ARSG: variants seen among roughly 807,000 people sequenced by gnomAD.
ARSG encodes the protein arylsulfatase G.
In ARSG, 37 loss-of-function variants were observed where a neutral mutation model predicts 50.5. The observed-to-expected ratio is 0.73, with a 90% CI of 0.56 to 0.96. The LOEUF is 0.96. Ranked by LOEUF, ARSG falls within the 50% of genes least tolerant of loss-of-function variation. ARSG has a pLI of 0.00. For missense variants in ARSG, 629 were observed against 675.3 expected (o/e 0.93, Z 0.76); for synonymous variants, 225 against 254.6 (o/e 0.88, Z 1.11).
intron 6 of ARSG, among the ~76,000 whole-genome samples, chr17:68,361,715 G>A (rs550877776): frequency 3.3e-5 from 5 of 152,170 alleles, no homozygotes; most frequent in East Asian, 3.9e-4. Flanking sequence ...GAAGAAGTTC[G>A]AGATCAGCCT....
chr17:68,428,772 GACAACTCTAC>G, the ARSG span: 25 of 1,376,252 alleles, frequency 1.8e-5, no homozygotes, highest in Non-Finnish European at 2.5e-5. Flanking sequence ...TTGGCGAAGG[GACAACTCTAC>G]ACGACCAGCT....
the ARSG span, chr17:68,435,749 G>C: frequency 6.3e-7 from 1 of 1,591,342 alleles, no homozygotes; most frequent in East Asian, 2.2e-5. Context: ...CAGATGCTGC[G>C]GAGGAGGGAA....
chr17:68,314,066 A>G (rs1178500173), intron 2 of ARSG, among the ~76,000 whole-genome samples: 1 of 152,190 alleles, frequency 6.6e-6, no homozygotes, highest in Non-Finnish European at 1.5e-5. Flanking sequence ...ACTAAATGTC[A>G]TGCTTAAGAG....
At chr17:68,324,678 T>C (rs2077433229) in intron 2 of ARSG, among the ~76,000 whole-genome samples, 1 of 152,236 alleles carries the variant, frequency 6.6e-6, no homozygotes, top group African/African-American at 2.4e-5. Context: ...AAACTCTCTC[T>C]GCCTCAGCTT....
chr17:68,421,871 A>G, downstream of ARSG: 1 of 1,611,768 alleles, frequency 6.2e-7, no homozygotes, highest in South Asian at 1.1e-5. Flanking sequence ...AGAGGCTGGT[A>G]GGCAGGTGCA....
At chr17:68,394,833 G>A (rs1385554433) in intron 9 of ARSG, among the ~76,000 whole-genome samples, 2 of 152,202 alleles carry the variant, frequency 1.3e-5, no homozygotes, top group African/African-American at 4.8e-5. Context: ...GCTGGGATTT[G>A]AGCCCAGGCA....
intron 8 of ARSG, among the ~76,000 whole-genome samples, chr17:68,372,760 T>C (rs1396284481): frequency 6.6e-6 from 1 of 151,906 alleles, no homozygotes; most frequent in Non-Finnish European, 1.5e-5. Flanking sequence ...CCCTCAGCTG[T>C]CTCCAGGAGG....
At chr17:68,287,328 C>CT (rs1401852161), upstream of ARSG, among the ~76,000 whole-genome samples, 56 of 144,758 alleles carry the variant, frequency 3.9e-4, no homozygotes, top group Admixed American at 9.0e-4. Flanking sequence ...TCTTCTTCTT[C>CT]TTTTTTTTTT....
intron 1 of ARSG, among the ~76,000 whole-genome samples, chr17:68,262,642 G>A (rs1380230029): frequency 6.6e-6 from 1 of 152,192 alleles, no homozygotes; most frequent in Non-Finnish European, 1.5e-5. Context: ...GGGGTGGCGT[G>A]TTCCAAGAGT....
intron 1 of ARSG, chr17:68,269,233 A>G (rs2075250122): frequency 6.5e-7 from 1 of 1,538,544 alleles, no homozygotes; most frequent in Non-Finnish European, 8.8e-7. Context: ...TGATGCTGGC[A>G]CAGTCCCATC....
chr17:68,399,080 A>G lies in ARSG; in HGVS notation c.1213-2280A>G, dbSNP rs568210148. Among the ~76,000 whole-genome samples, 36 of 152,292 alleles carry G rather than the reference A, an allele frequency of 2.4e-4. No individual in the cohort carries two copies. Among genetic ancestry groups the G allele is most frequent in the Admixed American group, 1.2e-3 (18 of 15,296 alleles). On this transcript the variant is annotated intron_variant, in intron 10 of 11. Coordinates refer to ENST00000621439, the MANE Select transcript of ARSG (RefSeq NM_001267727.2). The surrounding 1 kb of genome is among the most constrained non-coding windows in gnomAD (Gnocchi z 4.6). The stretch of plus-strand genomic sequence containing the variant: ...TTGTCAACGAAGGAACGTTTCCCCT[A>G]ACAGCTCTGCATCTGCCCAGCCTCA...
intron 4 of ARSG, 64 bp downstream of exon 4, chr17:68,347,236 C>A: frequency 6.5e-7 from 1 of 1,544,698 alleles, no homozygotes; most frequent in South Asian, 1.1e-5. Context: ...GTGTAAGACT[C>A]CATGAACAGC....
intron 10 of ARSG, chr17:68,401,097 C>T (rs1310855315): frequency 2.3e-6 from 1 of 437,828 alleles, no homozygotes; most frequent in Non-Finnish European, 4.2e-6. Context: ...GATCATAGCT[C>T]ACTGCAGCGT....
chr17:68,259,472 T>C (rs1425326699), intron 1 of ARSG: 1 of 152,180 alleles, frequency 6.6e-6, no homozygotes, highest in Non-Finnish European at 1.5e-5. Context: ...AAGTGCTTCA[T>C]TGAAGAGTTT....
At chr17:68,330,069 G>T (rs965935643) in intron 2 of ARSG, among the ~76,000 whole-genome samples, 4 of 152,090 alleles carry the variant, frequency 2.6e-5, no homozygotes, top group Non-Finnish European at 5.9e-5. Flanking sequence ...AATTAGCTGG[G>T]TGTGGTGGCA....
At chr17:68,447,984 CAAAAAAA>C in the ARSG span, among the ~76,000 whole-genome samples, 4 of 80,284 alleles carry the variant, frequency 5.0e-5, no homozygotes, top group South Asian at 4.4e-4. Flanking sequence ...GACTCTATCT[CAAAAAAA>C]AAAAAAAAAA....
Position 68,356,629 on chromosome 17 carries a change from A to G in ARSG, c.567-38A>G, listed in dbSNP as rs751287306. 8 of 1,612,156 alleles carry G rather than the reference A, an allele frequency of 5.0e-6. No homozygotes were observed. In the Admixed American group the frequency reaches 5.0e-5, roughly 10 times the overall value. On this transcript the variant is annotated intron_variant, in intron 5 of 11. Coordinates refer to ENST00000621439, the MANE Select transcript of ARSG (RefSeq NM_001267727.2). ...ATTTAGTTCTGCTCCGTGAGTACGT[A>G]GGAAATGAATACTCTATGGTCTGTG...
chr17:68,393,883 G>A (rs11868267), intron 9 of ARSG, among the ~76,000 whole-genome samples: 2,990 of 138,302 alleles, frequency 0.022, 39 homozygotes, highest in Middle Eastern at 0.034. Flanking sequence ...AAAAAAAAAG[G>A]GAAAGAAAAA....
intron 9 of ARSG, among the ~76,000 whole-genome samples, chr17:68,392,098 G>A (rs115682199): frequency 5.5e-4 from 84 of 152,344 alleles, no homozygotes; most frequent in African/African-American, 2.0e-3. Flanking sequence ...GATGAATGGT[G>A]CATGCGAAAG....
Sources: gnomAD v4.1 joint callset for allele counts (sites outside exome capture counted in the v4.1 genomes callset) on GRCh38, gnomAD v4.1.1 for gene constraint, Gnocchi (gnomAD v3.1) non-coding constraint, MANE v1.5 for transcripts, NCBI Gene and HGNC (gene_info 2026-07-23, HGNC 2026-07-21) for gene names.